Variants in PAM observed in about 807,000 individuals in gnomAD.
The protein encoded by PAM is peptidyl-glycine alpha-amidating monooxygenase.
Under a neutral mutation model 122.1 loss-of-function variants are expected in PAM, and 72 were observed. That is an observed-to-expected ratio of 0.59 (90% CI 0.49 to 0.72). PAM has a LOEUF of 0.72. Ranked by LOEUF, PAM falls within the 30% of genes least tolerant of loss-of-function variation. The probability of loss-of-function intolerance (pLI) is 0.00; values close to 1 mark genes in which losing one functional copy is unlikely to be tolerated. For missense variants in PAM, 1,106 were observed against 1,183.7 expected (o/e 0.93, Z 0.96); for synonymous variants, 389 against 404.4 (o/e 0.96, Z 0.46).
chr5:102,977,069 G>T (rs942789490), intron 15 of PAM, among the ~76,000 whole-genome samples: 8 of 152,098 alleles, frequency 5.3e-5, no homozygotes, highest in African/African-American at 1.7e-4. Flanking sequence ...TTCATCAGTT[G>T]GTCTATATGT....
At chr5:102,950,590 C>G (rs957236844) in intron 11 of PAM, 127 bp from the exon 12 acceptor site, 1 of 614,842 alleles carries the variant, frequency 1.6e-6, no homozygotes, top group East Asian at 2.7e-5. Flanking sequence ...TGATAAAATT[C>G]AACATCCCTT....
chr5:102,906,087 AG>A (rs1385986656), intron 4 of PAM, among the ~76,000 whole-genome samples: 1 of 151,680 alleles, frequency 6.6e-6, no homozygotes, highest in African/African-American at 2.4e-5. Context: ...TGGTCACCCA[AG>A]TACGCATGTT....
Position 102,832,409 on chromosome 5 carries a change from T to A in PAM, c.-373-33414T>A, listed in dbSNP as rs114431795. 7.0e-3 allele frequency among the ~76,000 whole-genome samples: 1,070 copies of A among 152,138 alleles called. 9 individuals are homozygous for A. The highest frequency in any genetic ancestry group is 0.013 in the Non-Finnish European group (892 of 67,972). ...TCCCCCTTATCCACAGAAGATACCTTCCAAGACACCCCACTAGATTCCTGG... is the reference window on the plus strand; with the variant it reads ...TCCCCCTTATCCACAGAAGATACCTACCAAGACACCCCACTAGATTCCTGG... On this transcript the variant is annotated intron_variant, in intron 1 of 25. Transcript: ENST00000438793.
chr5:102,864,997 C>T (rs1372854819), intron 1 of PAM, among the ~76,000 whole-genome samples: 5 of 152,128 alleles, frequency 3.3e-5, no homozygotes, highest in South Asian at 2.1e-4. Context: ...ATTAATGTGA[C>T]GTTCTTGATC....
At chr5:102,851,828 T>C (rs2150738620) in intron 1 of PAM, among the ~76,000 whole-genome samples, 1 of 152,370 alleles carries the variant, frequency 6.6e-6, no homozygotes, top group Middle Eastern at 3.4e-3. Flanking sequence ...GTTTTTTTCT[T>C]AACCTTGTTT....
intron 5 of PAM, among the ~76,000 whole-genome samples, chr5:102,914,392 A>G (rs888557977): frequency 2.0e-5 from 3 of 152,070 alleles, no homozygotes; most frequent in African/African-American, 7.2e-5. Context: ...CTCCAGCATC[A>G]CACAATATAC....
At chr5:102,879,666 TCCTGTGCAG>T (rs1181859416) in intron 3 of PAM, among the ~76,000 whole-genome samples, 1 of 152,218 alleles carries the variant, frequency 6.6e-6, no homozygotes, top group Non-Finnish European at 1.5e-5. Flanking sequence ...CAGCCATGCT[TCCTGTGCAG>T]CCTGTAGAAC....
chr5:102,911,222 T>A, intron 4 of PAM, among the ~76,000 whole-genome samples: 1 of 152,014 alleles, frequency 6.6e-6, no homozygotes. Context: ...ATTATACTTT[T>A]TCTTTAGGAT....
chr5:102,926,456 C>T, intron 6 of PAM, 129 bp from the exon 7 acceptor site: 1 of 605,426 alleles, frequency 1.7e-6, no homozygotes, highest in Non-Finnish European at 2.9e-6. Context: ...TGGTATATTT[C>T]TGTTTTCATA....
At position 103,011,378 on chromosome 5, in the gene PAM, T is replaced by TCA. The variant is rs71226932; in HGVS notation, c.2331+1534_2331+1535dup. Among the ~76,000 whole-genome samples the TCA allele has an allele frequency of 7.6e-3, 1,126 of 148,694 alleles. 7 individuals carry two copies. Among genetic ancestry groups the TCA allele is most frequent in the Non-Finnish European group, 9.9e-3 (660 of 66,906 alleles). On this transcript the variant is annotated intron_variant, in intron 21 of 25. Transcript: ENST00000438793. Reference sequence around the variant, plus strand: ...CATACACACACACACAAACACACACTCACACACACACACACACACACACTC... The same window carrying TCA: ...CATACACACACACACAAACACACACTCACACACACACACACACACACACACTC...
rs201126854 is a variant in PAM at position 103,011,083 on chromosome 5, AAAAC to A, written c.2331+1229_2331+1232del. On this transcript the variant is annotated intron_variant, in intron 21 of 25. Transcript: ENST00000438793. ...TATAACTTACTGGGTGACAGAAGAA[AAAAC>A]AAACAAACAAAAAACCCTTACAACT... is the stretch of plus-strand genomic sequence containing the variant. Among the ~76,000 whole-genome samples, 1,213 of 152,250 alleles carry A rather than the reference AAAAC, an allele frequency of 8.0e-3. 17 individuals are homozygous for A. The highest frequency in any genetic ancestry group is 0.027 in the African/African-American group (1,119 of 41,538).
chr5:102,899,347 T>C (rs1581478346), intron 3 of PAM, among the ~76,000 whole-genome samples: 1 of 151,570 alleles, frequency 6.6e-6, no homozygotes, highest in Admixed American at 6.6e-5. Context: ...TTGACTTAAT[T>C]TTTTAAATCA....
intron 4 of PAM, among the ~76,000 whole-genome samples, chr5:102,902,211 G>T (rs1798161827): frequency 6.6e-6 from 1 of 151,592 alleles, no homozygotes; most frequent in African/African-American, 2.4e-5. Context: ...CTTCAAGTGG[G>T]CTGTCTGAAC....
intron 1 of PAM, among the ~76,000 whole-genome samples, chr5:102,792,971 AT>A (rs1382088100): frequency 2.0e-5 from 3 of 151,930 alleles, no homozygotes; most frequent in Non-Finnish European, 4.4e-5. Context: ...CATTGGAATA[AT>A]TTTTTCATTC....
At chr5:102,754,879 G>C (rs1235120321), upstream of PAM, 2 of 152,322 alleles carry the variant, frequency 1.3e-5, no homozygotes, top group African/African-American at 4.8e-5. Flanking sequence ...TTTCAGGCCG[G>C]GCCTTCACTC....
intron 21 of PAM, among the ~76,000 whole-genome samples, chr5:103,011,342 C>T (rs533142118): frequency 1.3e-5 from 2 of 151,336 alleles, no homozygotes; most frequent in East Asian, 1.9e-4. Flanking sequence ...CCTAACCCCC[C>T]GCCACACACA....
intron 16 of PAM, among the ~76,000 whole-genome samples, chr5:102,995,891 A>G (rs1373465043): frequency 6.6e-6 from 1 of 151,810 alleles, no homozygotes; most frequent in Admixed American, 6.6e-5. Flanking sequence ...TGGCCTTTGT[A>G]TATCTTTGCT....
Position 102,942,753 on chromosome 5 carries a change from T to C in PAM, c.527-4084T>C, listed in dbSNP as rs1755706791. 2.0e-5 allele frequency among the ~76,000 whole-genome samples: 3 copies of C among 150,992 alleles called. No homozygotes were observed. The South Asian group carries it at 6.3e-4, about 32-fold the overall frequency. The stretch of plus-strand genomic sequence containing the variant: ...CCCGGCTAATTTTTTTTTTTTTTTG[T>C]AGAAATGCAGTTTCACCATATTGCC... On this transcript the variant is annotated intron_variant, in intron 7 of 25. Coordinates refer to ENST00000438793, the MANE Select transcript of PAM (RefSeq NM_001177306.2).
chr5:102,994,483 G>A (rs889650332), intron 16 of PAM, among the ~76,000 whole-genome samples: 4 of 152,028 alleles, frequency 2.6e-5, no homozygotes, highest in African/African-American at 4.8e-5. Context: ...TAAGTGTTTC[G>A]CCTAGAAGTG....
Sources: allele counts gnomAD v4.1 joint callset (sites outside exome capture counted in the v4.1 genomes callset), GRCh38; gene constraint gnomAD v4.1.1; transcripts MANE v1.5; gene names NCBI Gene and HGNC (gene_info 2026-07-23, HGNC 2026-07-21).